TMC2: variants seen among roughly 807,000 people sequenced by gnomAD.
The protein encoded by TMC2 is transmembrane channel like 2.
A neutral mutation model predicts 105.9 loss-of-function variants in TMC2; 102 were observed. The ratio of observed to expected loss-of-function variants is 0.96; its 90% CI spans 0.82 to 1.14. The LOEUF (loss-of-function observed/expected upper bound fraction) is 1.14, where lower values mean the gene tolerates loss of function less well. Among genes scored for constraint, TMC2 ranks in the 50% most tolerant of loss-of-function variants. TMC2 has a pLI of 0.00. For missense variants in TMC2, 1,093 were observed against 1,134.3 expected (o/e 0.96, Z 0.52); for synonymous variants, 402 against 422.8 (o/e 0.95, Z 0.60).
chr20:2,540,483 A>G (rs1057172453), intron 2 of TMC2, among the ~76,000 whole-genome samples: 6 of 151,158 alleles, frequency 4.0e-5, no homozygotes, highest in Non-Finnish European at 8.9e-5. Context: ...CAACATGGTG[A>G]AACCCTGTCT....
At chr20:2,596,321 T>C (rs2086306229) in intron 9 of TMC2, among the ~76,000 whole-genome samples, 1 of 152,160 alleles carries the variant, frequency 6.6e-6, no homozygotes, top group African/African-American at 2.4e-5. Context: ...CAAAAGTAAT[T>C]GATGGTTTTG....
intron 2 of TMC2, among the ~76,000 whole-genome samples, chr20:2,543,518 G>A (rs1223017156): frequency 6.6e-6 from 1 of 152,200 alleles, no homozygotes; most frequent in East Asian, 1.9e-4. Context: ...TTGAGGTGAG[G>A]CATTCAAAGA....
chr20:2,617,147 C>T lies in TMC2; in HGVS notation c.2016C>T (p.Cys672=). 1 of 1,614,216 alleles carries T rather than the reference C, an allele frequency of 6.2e-7. No homozygotes were observed. Among genetic ancestry groups the T allele is most frequent in the South Asian group, 1.1e-5 (1 of 91,086 alleles). The change falls in exon 16 of 20, where the codon TGC becomes TGT. Residue 672 remains cysteine (C), a synonymous_variant. Coordinates refer to ENST00000358864, the MANE Select transcript of TMC2 (RefSeq NM_080751.3). ...LRLLTSMYFQ[C]WAVMSSNVPH... is the part of the protein sequence containing the mutation. ...TGCTGACCTCCATGTACTTCCAGTG[C>T]TGGGCGGTGATGAGCAGCAACGTAC...
Position 2,641,644 on chromosome 20 carries a change from C to T in TMC2, c.*293C>T. Reference sequence around the variant, plus strand: ...CGCTCACAGTGGTCGACCTTGCCTCCCGATTTTCGGAGTTGGGGAAGGGCC... The same window carrying T: ...CGCTCACAGTGGTCGACCTTGCCTCTCGATTTTCGGAGTTGGGGAAGGGCC... On this transcript the variant is annotated 3_prime_UTR_variant, in exon 20 of 20. Coordinates refer to ENST00000358864, the MANE Select transcript of TMC2 (RefSeq NM_080751.3). The T allele has an allele frequency of 3.0e-6, 1 of 332,056 alleles. No homozygotes were observed. Among genetic ancestry groups the T allele is most frequent in the Non-Finnish European group, 5.6e-6 (1 of 177,100 alleles). The allele number at this position is 332,056 out of a possible 1,614,324, so 20.6% of individuals were successfully genotyped here. A position where few individuals can be genotyped will look rare whatever the true frequency, so the allele number is the denominator to read the frequency against.
intron 2 of TMC2, among the ~76,000 whole-genome samples, chr20:2,548,089 G>A (rs2085935210): frequency 6.6e-6 from 1 of 152,172 alleles, no homozygotes; most frequent in Non-Finnish European, 1.5e-5. Context: ...CTGTTTCACA[G>A]AACAAACTGG....
At chr20:2,613,071 G>A (rs2086453171) in intron 13 of TMC2, 123 bp from the exon 14 acceptor site, 6 of 1,319,430 alleles carry the variant, frequency 4.5e-6, no homozygotes, top group Non-Finnish European at 6.2e-6. Flanking sequence ...AAGGATCAGA[G>A]GGTCACAGAG....
At chr20:2,567,665 G>A (rs2086073961) in intron 4 of TMC2, among the ~76,000 whole-genome samples, 1 of 152,008 alleles carries the variant, frequency 6.6e-6, no homozygotes, top group Admixed American at 6.5e-5. Flanking sequence ...GCAAGACACT[G>A]GGATCACAGA....
intron 17 of TMC2, among the ~76,000 whole-genome samples, chr20:2,632,034 T>TTTTC: frequency 6.6e-6 from 1 of 152,010 alleles, no homozygotes; most frequent in African/African-American, 2.4e-5. Flanking sequence ...CTTTTTTTTT[T>TTTTC]TTTTCGAGAT....
At chr20:2,640,390 A>G (rs4815444) in intron 19 of TMC2, among the ~76,000 whole-genome samples, 16,952 of 152,236 alleles carry the variant, frequency 0.11, 1,162 homozygotes, top group Middle Eastern at 0.17. Context: ...AAATGATACT[A>G]GCTGCTGCAA....
chr20:2,552,291 A>G (rs1050051505), intron 2 of TMC2, among the ~76,000 whole-genome samples: 22 of 152,214 alleles, frequency 1.4e-4, no homozygotes, highest in Admixed American at 6.5e-4. Context: ...GAATCAGTTT[A>G]TCAATATCCA....
At position 2,594,944 on chromosome 20, in the gene TMC2, C is replaced by T. The variant is rs759641544; in HGVS notation, c.1053C>T (p.Tyr351=). The T allele has an allele frequency of 3.1e-6, 5 of 1,613,808 alleles. No individual in the cohort carries two copies. The highest frequency in any genetic ancestry group is 1.3e-5 in the African/African-American group (1 of 74,896). ...TGGTGGGGGTCAGCGTGTTCGGCTA[C>T]AGCCTGATTATTGTCATTCGATCGT... The part of the protein sequence containing the change: ...YFMVGVSVFG[Y]SLIIVIRSMA... Residue 351 remains tyrosine (Y), a synonymous_variant, in exon 9 of 20, where the codon TAC becomes TAT. Transcript: ENST00000358864.
chr20:2,562,093 C>T (rs962733254), intron 4 of TMC2, 83 bp downstream of exon 4: 1 of 1,495,120 alleles, frequency 6.7e-7, no homozygotes, highest in African/African-American at 1.4e-5. Flanking sequence ...TCCACATTTC[C>T]CCAAAGGGGC....
intron 19 of TMC2, among the ~76,000 whole-genome samples, chr20:2,639,262 A>G (rs1384232726): frequency 1.3e-5 from 2 of 152,224 alleles, no homozygotes; most frequent in Non-Finnish European, 2.9e-5. Context: ...CAGTAGTGAC[A>G]GTGGTGTCCT....
Position 2,568,122 on chromosome 20 carries a change from T to G in TMC2, c.555-4057T>G, listed in dbSNP as rs75928824. On this transcript the variant is annotated intron_variant, in intron 4 of 19. Transcript: ENST00000358864. ...AAAACTGTCTCAGATTTGGCAAAACTTACAAATTCAAGAAGCAAAACAAAT... is the reference window on the plus strand; with the variant it reads ...AAAACTGTCTCAGATTTGGCAAAACGTACAAATTCAAGAAGCAAAACAAAT... 7.5e-3 allele frequency among the ~76,000 whole-genome samples: 1,144 copies of G among 152,232 alleles called. 11 individuals are homozygous for G. The highest frequency in any genetic ancestry group is 0.026 in the African/African-American group (1,064 of 41,540).
Position 2,558,203 on chromosome 20 carries a change from C to G in TMC2, c.83-253C>G. On this transcript the variant is annotated intron_variant, in intron 2 of 19. Transcript: ENST00000358864. This position sits in a 1 kb window ranked among gnomAD's most constrained non-coding sequence, Gnocchi z 4.6. ...TGGGTATAGGGCAGGACACCTGTCACAGGAGGTCTTCAAGGGAGACGGGAG... is the reference window on the plus strand; with the variant it reads ...TGGGTATAGGGCAGGACACCTGTCAGAGGAGGTCTTCAAGGGAGACGGGAG... 1.3e-6 allele frequency: 1 copy of G among 776,326 alleles called. No individual in the cohort carries two copies. Among genetic ancestry groups the G allele is most frequent in the Non-Finnish European group, 1.9e-6 (1 of 516,424 alleles). 48.1% of individuals were successfully genotyped at this position (776,326 alleles called of 1,614,324 possible).
Position 2,594,874 on chromosome 20 carries a change from G to A in TMC2, c.983G>A (p.Arg328Lys). Residue 328 changes from arginine to lysine, a missense_variant, in exon 9 of 20, where the codon AGG becomes AAG. Physicochemically the swap from Arg to Lys is conservative, Grantham distance 26. Coordinates refer to ENST00000358864, the MANE Select transcript of TMC2 (RefSeq NM_080751.3). Reference sequence around the variant, plus strand: ...TTCTATGGCTACTACAACAACCAGAGGACCATCGGGTGGCTGAGGTACCGG... The same window carrying A: ...TTCTATGGCTACTACAACAACCAGAAGACCATCGGGTGGCTGAGGTACCGG... ...ALFYGYYNNQ[R>K]TIGWLRYRLP... 3 of 1,614,164 alleles carry A rather than the reference G, an allele frequency of 1.9e-6. No homozygotes were observed. In the East Asian group the frequency reaches 6.7e-5, roughly 36 times the overall value.
intron 14 of TMC2, among the ~76,000 whole-genome samples, chr20:2,614,990 G>C (rs1279197807): frequency 1.3e-5 from 2 of 152,062 alleles, no homozygotes; most frequent in Non-Finnish European, 2.9e-5. Context: ...ATGAAACCCA[G>C]TAGATATGTG....
Position 2,642,735 on chromosome 20 carries a change from G to C in TMC2, c.*1384G>C, listed in dbSNP as rs1220646510. 6.6e-6 allele frequency among the ~76,000 whole-genome samples: 1 copy of C among 152,114 alleles called. No homozygotes were observed. The highest frequency in any genetic ancestry group is 1.5e-5 in the Non-Finnish European group (1 of 68,036). ...CAACAGCCCAGCTATCTTGCACACA[G>C]CTCCTTCCTTTCCTCCACTCTGTGC... On this transcript the variant is annotated 3_prime_UTR_variant, in exon 20 of 20. Transcript: ENST00000358864.
chr20:2,576,677 A>G (rs1470961946), intron 5 of TMC2, among the ~76,000 whole-genome samples: 2 of 152,218 alleles, frequency 1.3e-5, no homozygotes, highest in Non-Finnish European at 2.9e-5. Flanking sequence ...AAGTGATGCA[A>G]GATGGAAAAT....
Sources: allele counts gnomAD v4.1 joint callset (sites outside exome capture counted in the v4.1 genomes callset), GRCh38; gene constraint gnomAD v4.1.1; non-coding constraint Gnocchi (gnomAD v3.1); transcripts MANE v1.5; gene names NCBI Gene and HGNC (gene_info 2026-07-23, HGNC 2026-07-21).